The following KCNB2 variants were observed in gnomAD, a reference collection of about 807,000 sequenced individuals.
KCNB2 encodes potassium voltage-gated channel subfamily B member 2.
KCNB2 carries 15 observed loss-of-function variants against 61.5 expected under a neutral mutation model. The ratio of observed to expected loss-of-function variants is 0.24; its 90% CI spans 0.16 to 0.38. The LOEUF (loss-of-function observed/expected upper bound fraction) is 0.38, where lower values mean the gene tolerates loss of function less well. Among genes scored for constraint, KCNB2 ranks in the 10% least tolerant of loss-of-function variants. KCNB2 has a pLI of 1.00. For synonymous variants in KCNB2, 457 were observed against 446.0 expected, an observed-to-expected ratio of 1.02 and a Z score of -0.31; for missense variants, 828 against 1,125.2, an observed-to-expected ratio of 0.74 and a Z score of 3.78.
At chr8:72,693,365 A>G (rs1366164747) in intron 2 of KCNB2, among the ~76,000 whole-genome samples, 1 of 152,094 alleles carries the variant, frequency 6.6e-6, no homozygotes, top group East Asian at 1.9e-4. Flanking sequence ...CACTCCTGTG[A>G]CACCTCTTGT....
chr8:72,576,044 C>A (rs1806789831), intron 2 of KCNB2, among the ~76,000 whole-genome samples: 1 of 152,088 alleles, frequency 6.6e-6, no homozygotes, highest in Non-Finnish European at 1.5e-5. Context: ...AGGTGTTTTC[C>A]TTTATCATAA....
chr8:72,812,749 A>C (rs1163464607), intron 2 of KCNB2, among the ~76,000 whole-genome samples: 1 of 152,152 alleles, frequency 6.6e-6, no homozygotes. Flanking sequence ...ACTTGGTCAT[A>C]AAGTGTTATT....
chr8:72,560,508 GC>G (rs1324840049), intron 1 of KCNB2, among the ~76,000 whole-genome samples: 4 of 152,068 alleles, frequency 2.6e-5, no homozygotes, highest in African/African-American at 9.7e-5. Context: ...TCTGTTGGTT[GC>G]CTTCCTTATT....
chr8:72,588,684 A>G (rs947423508), intron 2 of KCNB2, among the ~76,000 whole-genome samples: 2 of 152,086 alleles, frequency 1.3e-5, no homozygotes, highest in East Asian at 1.9e-4. Context: ...GCATGAGGCC[A>G]GGAGTTTGAT....
chr8:72,820,847 A>G (rs1459611887), intron 2 of KCNB2, among the ~76,000 whole-genome samples: 2 of 152,178 alleles, frequency 1.3e-5, no homozygotes, highest in South Asian at 2.1e-4. Flanking sequence ...TCCTATTTCC[A>G]TAAGTTCACT....
chr8:72,812,944 G>T (rs1809329006), intron 2 of KCNB2, among the ~76,000 whole-genome samples: 1 of 152,078 alleles, frequency 6.6e-6, no homozygotes, highest in Non-Finnish European at 1.5e-5. Flanking sequence ...CCTTAGAGAA[G>T]AATAAATTGT....
intron 2 of KCNB2, among the ~76,000 whole-genome samples, chr8:72,741,108 G>T (rs982750468): frequency 7.2e-5 from 11 of 151,878 alleles, no homozygotes; most frequent in Admixed American, 5.9e-4. Context: ...ATCCCTTTTT[G>T]ATTGTAATCT....
intron 2 of KCNB2, among the ~76,000 whole-genome samples, chr8:72,704,677 G>T (rs1191038181): frequency 1.3e-5 from 2 of 152,130 alleles, no homozygotes; most frequent in Non-Finnish European, 2.9e-5. Flanking sequence ...TAAATCAGGA[G>T]TTACTGTCTT....
At chr8:72,662,813 C>T (rs778822722) in intron 2 of KCNB2, among the ~76,000 whole-genome samples, 13 of 152,058 alleles carry the variant, frequency 8.5e-5, no homozygotes, top group African/African-American at 1.2e-4. Flanking sequence ...CATTTAAAAA[C>T]GAAAGAGGAA....
intron 2 of KCNB2, among the ~76,000 whole-genome samples, chr8:72,908,352 C>T (rs1806219761): frequency 6.6e-6 from 1 of 152,082 alleles, no homozygotes; most frequent in Admixed American, 6.6e-5. Flanking sequence ...AGTTGTAAAT[C>T]AACTCATTTA....
chr8:72,577,857 C>T lies in KCNB2; in HGVS notation c.579+9544C>T, dbSNP rs193060146. Among the ~76,000 whole-genome samples the T allele has an allele frequency of 1.1e-3, 171 of 152,240 alleles. 1 individual carries two copies. The highest frequency in any genetic ancestry group is 3.9e-3 in the African/African-American group (161 of 41,550). On this transcript the variant is annotated intron_variant, in intron 2 of 2. Transcript: ENST00000523207. ...GGAAGAACCCTAGCCTTCAAGTCAT[C>T]GTTTTAGCTTTAATCAATATACTAT...
At chr8:72,688,551 C>A (rs941703110) in intron 2 of KCNB2, among the ~76,000 whole-genome samples, 1 of 152,148 alleles carries the variant, frequency 6.6e-6, no homozygotes, top group Non-Finnish European at 1.5e-5. Context: ...TCTGTCTCCC[C>A]ACTGCACCAT....
At chr8:72,825,915 C>A (rs1809588823) in intron 2 of KCNB2, among the ~76,000 whole-genome samples, 1 of 152,136 alleles carries the variant, frequency 6.6e-6, no homozygotes, top group African/African-American at 2.4e-5. Flanking sequence ...TCCAATGTAT[C>A]TATTTTTCAT....
Position 72,938,074 on chromosome 8 carries a change from C to G in KCNB2, c.2719C>G (p.Arg907Gly), listed in dbSNP as rs567445185. 6.2e-7 allele frequency: 1 copy of G among 1,606,120 alleles called. No individual in the cohort carries two copies. Among genetic ancestry groups the G allele is most frequent in the Non-Finnish European group, 8.5e-7 (1 of 1,176,252 alleles). The part of the protein sequence containing the change: ...NPGDTGYCPT[R>G]ETSM Reference sequence around the variant, plus strand: ...AGGAGACACAGGTTATTGTCCCACACGTGAAACCAGCATGTGACTAGTTAC... The same window carrying G: ...AGGAGACACAGGTTATTGTCCCACAGGTGAAACCAGCATGTGACTAGTTAC... The change falls in exon 3 of 3, where the codon CGT (arginine) becomes GGT (glycine). Residue 907 changes from arginine to glycine, a missense_variant. Physicochemically the swap from Arg to Gly is moderately radical, Grantham distance 125. This residue lies in a region of KCNB2 where 559 missense variants were observed against 588.4 expected (regional missense o/e 0.95). Transcript: ENST00000523207.
intron 2 of KCNB2, among the ~76,000 whole-genome samples, chr8:72,868,025 T>G (rs1223010818): frequency 6.6e-6 from 1 of 151,650 alleles, no homozygotes; most frequent in Non-Finnish European, 1.5e-5. Flanking sequence ...AATGAAATAA[T>G]AGTCTACAAG....
intron 2 of KCNB2, among the ~76,000 whole-genome samples, chr8:72,904,246 G>A (rs1007970710): frequency 6.6e-6 from 1 of 152,128 alleles, no homozygotes; most frequent in Non-Finnish European, 1.5e-5. Context: ...TTTTTAAAGT[G>A]TGTATAGATC....
chr8:72,666,362 A>T (rs1172033951), intron 2 of KCNB2, among the ~76,000 whole-genome samples: 1 of 152,086 alleles, frequency 6.6e-6, no homozygotes, highest in Non-Finnish European at 1.5e-5. Context: ...ACTTTATTTT[A>T]TATATCTCCC....
At chr8:72,639,254 C>T (rs1010059816) in intron 2 of KCNB2, among the ~76,000 whole-genome samples, 1 of 152,118 alleles carries the variant, frequency 6.6e-6, no homozygotes, top group South Asian at 2.1e-4. Context: ...ACTCCTGGAT[C>T]TGACCCAGCA....
At chr8:72,906,109 A>C (rs748964327) in intron 2 of KCNB2, among the ~76,000 whole-genome samples, 4 of 152,216 alleles carry the variant, frequency 2.6e-5, no homozygotes, top group Non-Finnish European at 5.9e-5. Context: ...TGAATATCTT[A>C]GTCTTTGCTT....
Sources: allele counts gnomAD v4.1 joint callset (sites outside exome capture counted in the v4.1 genomes callset), GRCh38; gene constraint gnomAD v4.1.1; regional missense constraint gnomAD v4.1.1; transcripts MANE v1.5; gene names NCBI Gene and HGNC (gene_info 2026-07-23, HGNC 2026-07-21).